Variants in OR51B4 observed in about 807,000 individuals in gnomAD.
OR51B4 encodes olfactory receptor 51B4.
For missense variants in OR51B4, 402 were observed against 379.8 expected, an observed-to-expected ratio of 1.06 and a Z score of -0.49; for synonymous variants, 147 against 140.8, an observed-to-expected ratio of 1.04 and a Z score of -0.31.
chr11:5,301,747 G>A lies in OR51B4; in HGVS notation c.200C>T (p.Thr67Met), dbSNP rs149576452. The A allele has an allele frequency of 8.2e-5, 133 of 1,613,982 alleles. No homozygotes were observed. The highest frequency in any genetic ancestry group is 1.5e-4 in the Admixed American group (9 of 60,014). The part of the protein sequence containing the change: ...MYYFLAMLAD[T>M]DLGMTFTTMP... ...TGTAGTGAATGTCATCCCAAGGTCC[G>A]TGTCTGCCAGCATAGCCAGGAAGTA... The change falls in exon 1 of 1, where the codon ACG (threonine) becomes ATG (methionine). Residue 67 changes from threonine to methionine, a missense_variant. Transcript: ENST00000380224.
rs771963715 is a variant in OR51B4, at chr11:5,301,276, C to T, written c.671G>A (p.Gly224Asp). 6.2e-6 allele frequency: 10 copies of T among 1,613,844 alleles called. No homozygotes were observed. Among genetic ancestry groups the T allele is most frequent in the Admixed American group, 1.7e-5 (1 of 59,958 alleles). Residue 224 changes from glycine to aspartate, a missense_variant, in exon 1 of 1, where the codon GGC becomes GAC. By Grantham distance (94) the Gly-to-Asp change is moderately conservative. Transcript: ENST00000380224. ...AGCTTCCTCTTGTCCAGACGCAATG[C>T]CCATCACTGTCTTGAGGATTAGTAT... ...SYILILKTVM[G>D]IASGQEEAKS...
At position 5,301,842 on chromosome 11, in the gene OR51B4, G is replaced by A. The variant is rs539455423; in HGVS notation, c.105C>T (p.Ser35=). 9 of 1,613,982 alleles carry A rather than the reference G, an allele frequency of 5.6e-6. No individual in the cohort carries two copies. Among genetic ancestry groups the A allele is most frequent in the Non-Finnish European group, 6.8e-6 (8 of 1,179,954 alleles). Residue 35 remains serine (S), a synonymous_variant, in exon 1 of 1, where the codon TCC becomes TCT. Coordinates refer to ENST00000380224, the MANE Select transcript of OR51B4 (RefSeq NM_033179.2). ...ISMSFFVIYF[S]VLFGNGTLLV... The stretch of plus-strand genomic sequence containing the variant: ...GAAGAGTGCCATTTCCAAAAAGGAC[G>A]GAGAAGTAGATGACAAAGAAGGACA...
In OR51B4 at chr11:5,301,207, A is replaced by G. The variant is rs202052983; in HGVS notation, c.740T>C (p.Val247Ala). 1.2e-6 allele frequency: 2 copies of G among 1,614,086 alleles called. No individual in the cohort carries two copies. The highest frequency in any genetic ancestry group is 4.5e-5 in the East Asian group (2 of 44,874). The change falls in exon 1 of 1, where the codon GTA becomes GCA. Residue 247 changes from valine to alanine, a missense_variant. Coordinates refer to ENST00000380224, the MANE Select transcript of OR51B4 (RefSeq NM_033179.2). ...TCVSHISCVL[V>A]FHITVMGLSF... is the part of the protein sequence containing the mutation. Reference sequence around the variant, plus strand: ...CAGTCCCATCACAGTGATGTGAAATACTAGGACACAGCTAATATGGGAGAC... The same window carrying G: ...CAGTCCCATCACAGTGATGTGAAATGCTAGGACACAGCTAATATGGGAGAC...
Position 5,301,029 on chromosome 11 carries a change from C to A in OR51B4, c.918G>T (p.Gly306=), listed in dbSNP as rs1158523561. Residue 306 remains glycine, a synonymous_variant, in exon 1 of 1, where the codon GGG becomes GGT. Transcript: ENST00000380224. ...IQRSIIRLFS[G]QSRA ...AAATAAGGGCTCAAGCCCTACTCTGCCCAGAAAATAGGCGAATAATGCTTC... is the reference window on the plus strand; with the variant it reads ...AAATAAGGGCTCAAGCCCTACTCTGACCAGAAAATAGGCGAATAATGCTTC... 6.2e-6 allele frequency: 10 copies of A among 1,601,154 alleles called. No homozygotes were observed. In the African/African-American group the frequency reaches 8.0e-5, roughly 13 times the overall value.
Position 5,301,501 on chromosome 11 carries a change from CCT to C in OR51B4, c.444_445del (p.Gly149PhefsTer39). The C allele has an allele frequency of 6.2e-7, 1 of 1,614,112 alleles. No homozygotes were observed. The highest frequency in any genetic ancestry group is 1.1e-5 in the South Asian group (1 of 91,080). On this transcript the variant is annotated frameshift_variant, in exon 1 of 1. Transcript: ENST00000380224. LOFTEE classifies it low-confidence loss of function (END_TRUNC). ...AATTATGGGCAAAATGGACATAAAA[CCT>C]CTCATCAGTACCCCCAGTCCTATGT... is the stretch of plus-strand genomic sequence containing the variant.
chr11:5,301,112 G>A lies in OR51B4; in HGVS notation c.835C>T (p.Leu279Phe), dbSNP rs1848489321. Reference protein sequence around the residue: ...VPITMSYVHFLFPPFVNPIIY... With the variant: ...VPITMSYVHFFFPPFVNPIIY... ...ATAGGATTCACGAATGGAGGAAAGA[G>A]AAAATGGACATAGCTCATGGTAATG... Residue 279 changes from leucine (L) to phenylalanine (F), a missense_variant, in exon 1 of 1, where the codon CTC becomes TTC. By Grantham distance (22) the Leu-to-Phe change is conservative. Transcript: ENST00000380224. The A allele has an allele frequency of 4.3e-6, 7 of 1,613,862 alleles. No homozygotes were observed. Among genetic ancestry groups the A allele is most frequent in the Non-Finnish European group, 5.1e-6 (6 of 1,179,928 alleles).
Position 5,301,704 on chromosome 11 carries a change from A to C in OR51B4, c.243T>G (p.Gly81=), listed in dbSNP as rs1423734209. Residue 81 remains glycine (G), a synonymous_variant, in exon 1 of 1, where the codon GGT becomes GGG. Transcript: ENST00000380224. ...TCTCCCTCTGGTCTAGCAGCAGGAC[A>C]CCCAGGACTGTGGGCATTGTAGTGA... ...MTFTTMPTVL[G]VLLLDQREIA... is the part of the protein sequence containing the mutation. 6.2e-7 allele frequency: 1 copy of C among 1,614,140 alleles called. No individual in the cohort carries two copies.
In OR51B4 at chr11:5,301,273, A is replaced by G. The variant is rs1848492557; in HGVS notation, c.674T>C (p.Ile225Thr). The change falls in exon 1 of 1, where the codon ATT becomes ACT. Residue 225 changes from isoleucine (I) to threonine (T), a missense_variant. Coordinates refer to ENST00000380224, the MANE Select transcript of OR51B4 (RefSeq NM_033179.2). The part of the protein sequence containing the change: ...YILILKTVMG[I>T]ASGQEEAKSL... Reference sequence around the variant, plus strand: ...TTTAGCTTCCTCTTGTCCAGACGCAATGCCCATCACTGTCTTGAGGATTAG... The same window carrying G: ...TTTAGCTTCCTCTTGTCCAGACGCAGTGCCCATCACTGTCTTGAGGATTAG... 9 of 1,614,100 alleles carry G rather than the reference A, an allele frequency of 5.6e-6. No individual in the cohort carries two copies. Among genetic ancestry groups the G allele is most frequent in the Non-Finnish European group, 7.6e-6 (9 of 1,179,986 alleles).
In OR51B4 at chr11:5,301,870, G is replaced by A. The variant is rs1848499924; in HGVS notation, c.77C>T (p.Ser26Phe). 2 of 1,612,294 alleles carry A rather than the reference G, an allele frequency of 1.2e-6. 1 individual carries two copies. The highest frequency in any genetic ancestry group is 3.3e-5 in the Admixed American group (2 of 59,896). ...LGSEAVHYRI[S>F]MSFFVIYFSV... ...GAAGTAGATGACAAAGAAGGACATA[G>A]AGATCCGGTAGTGAACTGCCTCTGA... The change falls in exon 1 of 1, where the codon TCT (serine) becomes TTT (phenylalanine). Residue 26 changes from serine (S) to phenylalanine (F), a missense_variant. Physicochemically the swap from Ser to Phe is radical, Grantham distance 155 (BLOSUM62 -2). Coordinates refer to ENST00000380224, the MANE Select transcript of OR51B4 (RefSeq NM_033179.2).
In OR51B4 at chr11:5,301,183, A is replaced by G; in HGVS notation, c.764T>C (p.Leu255Pro). ...TTTCCCAAACCTGTGAATGAATGAC[A>G]GTCCCATCACAGTGATGTGAAATAC... ...VLVFHITVMG[L>P]SFIHRFGKHA... The change falls in exon 1 of 1, where the codon CTG becomes CCG. Residue 255 changes from leucine (L) to proline (P), a missense_variant. By Grantham distance (98) the Leu-to-Pro change is moderately conservative. Transcript: ENST00000380224. 1 of 1,614,094 alleles carries G rather than the reference A, an allele frequency of 6.2e-7. No homozygotes were observed. The highest frequency in any genetic ancestry group is 8.5e-7 in the Non-Finnish European group (1 of 1,179,998).
In OR51B4 at chr11:5,301,613, A is replaced by T; in HGVS notation, c.334T>A (p.Leu112Met). ...AAACAGTCATAGGCCAAAACAAGCA[A>T]GATACCTGATTCTACAATGGCCAGT... ...HSLAIVESGI[L>M]LVLAYDCFIA... is the part of the protein sequence containing the mutation. The change falls in exon 1 of 1, where the codon TTG becomes ATG. Residue 112 changes from leucine to methionine, a missense_variant. Leu to Met is a conservative substitution (Grantham distance 15). Coordinates refer to ENST00000380224, the MANE Select transcript of OR51B4 (RefSeq NM_033179.2). 1 of 1,614,218 alleles carries T rather than the reference A, an allele frequency of 6.2e-7. No homozygotes were observed. Among genetic ancestry groups the T allele is most frequent in the Non-Finnish European group, 8.5e-7 (1 of 1,180,044 alleles).
In OR51B4 at chr11:5,301,770, G is replaced by A. The variant is rs1848498466; in HGVS notation, c.177C>T (p.Tyr59=). The A allele has an allele frequency of 6.2e-7, 1 of 1,614,128 alleles. No individual in the cohort carries two copies. The highest frequency in any genetic ancestry group is 8.5e-7 in the Non-Finnish European group (1 of 1,180,002). ...NDHSLHEPMY[Y]FLAMLADTDL... ...CCGTGTCTGCCAGCATAGCCAGGAAGTAGTACATGGGCTCATGGAGGCTGT... is the reference window on the plus strand; with the variant it reads ...CCGTGTCTGCCAGCATAGCCAGGAAATAGTACATGGGCTCATGGAGGCTGT... Residue 59 remains tyrosine (Y), a synonymous_variant, in exon 1 of 1, where the codon TAC becomes TAT. Transcript: ENST00000380224.
In OR51B4 at chr11:5,301,270, G is replaced by A. The variant is rs116026654; in HGVS notation, c.677C>T (p.Ala226Val). 7.0e-4 allele frequency: 1,122 copies of A among 1,613,910 alleles called. 9 individuals carry two copies. The African/African-American group carries it at 0.013, about 18-fold the overall frequency. Residue 226 changes from alanine to valine, a missense_variant, in exon 1 of 1, where the codon GCG becomes GTG. Transcript: ENST00000380224. ...AGATTTAGCTTCCTCTTGTCCAGACGCAATGCCCATCACTGTCTTGAGGAT... is the reference window on the plus strand; with the variant it reads ...AGATTTAGCTTCCTCTTGTCCAGACACAATGCCCATCACTGTCTTGAGGAT... ...ILILKTVMGI[A>V]SGQEEAKSLN...
Position 5,301,760 on chromosome 11 carries a change from T to A in OR51B4, c.187A>T (p.Met63Leu). 1 of 1,614,030 alleles carries A rather than the reference T, an allele frequency of 6.2e-7. No individual in the cohort carries two copies. Among genetic ancestry groups the A allele is most frequent in the Non-Finnish European group, 8.5e-7 (1 of 1,179,986 alleles). ...ATCCCAAGGTCCGTGTCTGCCAGCATAGCCAGGAAGTAGTACATGGGCTCA... is the reference window on the plus strand; with the variant it reads ...ATCCCAAGGTCCGTGTCTGCCAGCAAAGCCAGGAAGTAGTACATGGGCTCA... ...LHEPMYYFLA[M>L]LADTDLGMTF... is the part of the protein sequence containing the mutation. Residue 63 changes from methionine to leucine, a missense_variant, in exon 1 of 1, where the codon ATG (methionine) becomes TTG (leucine). Transcript: ENST00000380224.
rs760642276 is a variant in OR51B4 at position 5,301,279 on chromosome 11, A to G, written c.668T>C (p.Met223Thr). 1.5e-5 allele frequency: 25 copies of G among 1,614,004 alleles called. No individual in the cohort carries two copies. Among genetic ancestry groups the G allele is most frequent in the East Asian group, 1.3e-4 (6 of 44,890 alleles). Reference protein sequence around the residue: ...FSYILILKTVMGIASGQEEAK... With the variant: ...FSYILILKTVTGIASGQEEAK... The stretch of plus-strand genomic sequence containing the variant: ...TTCCTCTTGTCCAGACGCAATGCCC[A>G]TCACTGTCTTGAGGATTAGTATATA... Residue 223 changes from methionine (M) to threonine (T), a missense_variant, in exon 1 of 1, where the codon ATG becomes ACG. Transcript: ENST00000380224.
chr11:5,301,580 T>A lies in OR51B4; in HGVS notation c.367A>T (p.Ile123Phe). ...CAGTTGTACCTCAGTGGTGTGCGGATGGCAATGAAACAGTCATAGGCCAAA... is the reference window on the plus strand; with the variant it reads ...CAGTTGTACCTCAGTGGTGTGCGGAAGGCAATGAAACAGTCATAGGCCAAA... Reference protein sequence around the residue: ...LVLAYDCFIAIRTPLRYNCIL... With the variant: ...LVLAYDCFIAFRTPLRYNCIL... The change falls in exon 1 of 1, where the codon ATC becomes TTC. Residue 123 changes from isoleucine to phenylalanine, a missense_variant. Physicochemically the swap from Ile to Phe is conservative, Grantham distance 21. Coordinates refer to ENST00000380224, the MANE Select transcript of OR51B4 (RefSeq NM_033179.2). 2 of 1,614,164 alleles carry A rather than the reference T, an allele frequency of 1.2e-6. No individual in the cohort carries two copies.
chr11:5,301,197 G>C lies in OR51B4; in HGVS notation c.750C>G (p.Ile250Met), dbSNP rs2133647443. ...GAATGAATGACAGTCCCATCACAGTGATGTGAAATACTAGGACACAGCTAA... is the reference window on the plus strand; with the variant it reads ...GAATGAATGACAGTCCCATCACAGTCATGTGAAATACTAGGACACAGCTAA... ...SHISCVLVFH[I>M]TVMGLSFIHR... Residue 250 changes from isoleucine (I) to methionine (M), a missense_variant, in exon 1 of 1, where the codon ATC becomes ATG. By Grantham distance (10) the Ile-to-Met change is conservative (BLOSUM62 1). Transcript: ENST00000380224. 8 of 1,613,086 alleles carry C rather than the reference G, an allele frequency of 5.0e-6. No individual in the cohort carries two copies. The highest frequency in any genetic ancestry group is 6.8e-6 in the Non-Finnish European group (8 of 1,179,936).
rs201738028 is a variant in OR51B4, at chr11:5,301,119, G to A, written c.828C>T (p.Val276=). Residue 276 remains valine, a synonymous_variant, in exon 1 of 1, where the codon GTC becomes GTT. Transcript: ENST00000380224. The stretch of plus-strand genomic sequence containing the variant: ...TCACGAATGGAGGAAAGAGAAAATG[G>A]ACATAGCTCATGGTAATGGGGACCA... ...PHVVPITMSY[V]HFLFPPFVNP... The A allele has an allele frequency of 1.9e-6, 3 of 1,613,820 alleles. No individual in the cohort carries two copies. The highest frequency in any genetic ancestry group is 1.7e-5 in the Admixed American group (1 of 60,010).
At position 5,301,441 on chromosome 11, in the gene OR51B4, C is replaced by G. The variant is rs115916434; in HGVS notation, c.506G>C (p.Arg169Pro). Residue 169 changes from arginine to proline, a missense_variant, in exon 1 of 1, where the codon CGT becomes CCT. Transcript: ENST00000380224. ...GAGGCAAAATGTGTGCAAGAGGGCA[C>G]GGGAACCACAATATGGGTAGCAGTA... Reference protein sequence around the residue: ...SLYCYPYCGSRALLHTFCLHQ... With the variant: ...SLYCYPYCGSPALLHTFCLHQ... 6.2e-7 allele frequency: 1 copy of G among 1,614,048 alleles called. No homozygotes were observed. The highest frequency in any genetic ancestry group is 1.1e-5 in the South Asian group (1 of 91,070).
Sources: gnomAD v4.1 joint callset for allele counts on GRCh38, gnomAD v4.1.1 for gene constraint, MANE v1.5 for transcripts, NCBI Gene and HGNC (gene_info 2026-07-23, HGNC 2026-07-21) for gene names.